Variants in OSBPL5 observed in about 807,000 individuals in gnomAD.
The protein encoded by OSBPL5 is oxysterol binding protein like 5.
OSBPL5 carries 71 observed loss-of-function variants against 111.2 expected under a neutral mutation model. The observed-to-expected ratio is 0.64, with a 90% CI of 0.53 to 0.78. The LOEUF is 0.78. Among genes scored for constraint, OSBPL5 ranks in the 30% least tolerant of loss-of-function variants. The pLI, the probability that OSBPL5 is intolerant of heterozygous loss-of-function variation, is 0.00. For missense variants in OSBPL5, 1,210 were observed against 1,189.3 expected (o/e 1.02, Z -0.26); for synonymous variants, 549 against 513.9 (o/e 1.07, Z -0.93).
At position 3,092,792 on chromosome 11, in the gene OSBPL5, G is replaced by T; in HGVS notation, c.2132+75C>A. 1.4e-6 allele frequency: 2 copies of T among 1,447,870 alleles called. No individual in the cohort carries two copies. The highest frequency in any genetic ancestry group is 5.2e-5 in the Admixed American group (2 of 38,296). The allele number at this position is 1,447,870 out of a possible 1,614,324, so 89.7% of individuals were successfully genotyped here. On this transcript the variant is annotated intron_variant, in intron 18 of 21. Coordinates refer to ENST00000263650, the MANE Select transcript of OSBPL5 (RefSeq NM_020896.4). The surrounding 1 kb of genome is among the most constrained non-coding windows in gnomAD (Gnocchi z 5.4). Reference sequence around the variant, plus strand: ...GCTGAAGGTGAGAGGGAAGCCAGGAGCCCCTGGGCCCTTCTCAGCCCGTCT... The same window carrying T: ...GCTGAAGGTGAGAGGGAAGCCAGGATCCCCTGGGCCCTTCTCAGCCCGTCT...
Position 3,107,669 on chromosome 11 carries a change from C to A in OSBPL5, c.866+102G>T. The A allele has an allele frequency of 6.7e-7, 1 of 1,492,690 alleles. No individual in the cohort carries two copies. The highest frequency in any genetic ancestry group is 1.2e-5 in the South Asian group (1 of 81,408). The allele number at this position is 1,492,690 out of a possible 1,614,324, so 92.5% of individuals were successfully genotyped here. On this transcript the variant is annotated intron_variant, in intron 8 of 21. Coordinates refer to ENST00000263650, the MANE Select transcript of OSBPL5 (RefSeq NM_020896.4). This position sits in a 1 kb window ranked among gnomAD's most constrained non-coding sequence, Gnocchi z 6.1. ...CGAACAAGTCCCTGCGTGCAGCCTG[C>A]AGCCCACCAGAGCAGTGGCTGGGGC...
At chr11:3,103,788 CTTCCTGCCTCTGCAGCCCT>C (rs1857569674) in intron 10 of OSBPL5, among the ~76,000 whole-genome samples, 1 of 61,282 alleles carries the variant, frequency 1.6e-5, no homozygotes, top group African/African-American at 5.0e-5. Context: ...TCTGCAGTCC[CTTCCTGCCTCTGCAGCCCT>C]CTTCCTGCCT....
chr11:3,107,580 C>T lies in OSBPL5; in HGVS notation c.867-125G>A. 4 of 1,369,162 alleles carry T rather than the reference C, an allele frequency of 2.9e-6. No homozygotes were observed. The highest frequency in any genetic ancestry group is 4.6e-5 in the East Asian group (2 of 43,412). The allele number at this position is 1,369,162 out of a possible 1,614,324, so 84.8% of individuals were successfully genotyped here. On this transcript the variant is annotated intron_variant, in intron 8 of 21. Transcript: ENST00000263650. This position sits in a 1 kb window ranked among gnomAD's most constrained non-coding sequence, Gnocchi z 6.1. ...TCCTGCCTGTCGTCACCTCCACAAC[C>T]CACATTTGACACGATCAGCCCCGTT...
Position 3,104,231 on chromosome 11 carries a change from C to T in OSBPL5, c.1206G>A (p.Lys402=). 2 of 1,612,702 alleles carry T rather than the reference C, an allele frequency of 1.2e-6. No individual in the cohort carries two copies. Among genetic ancestry groups the T allele is most frequent in the Non-Finnish European group, 1.7e-6 (2 of 1,179,038 alleles). The change falls in exon 10 of 22, where the codon AAG becomes AAA. Residue 402 remains lysine (K), a synonymous_variant. Coordinates refer to ENST00000263650, the MANE Select transcript of OSBPL5 (RefSeq NM_020896.4). This position sits in a 1 kb window ranked among gnomAD's most constrained non-coding sequence, Gnocchi z 5.0. ...CTGCGTGGTAGTAGTAGTCGGAGAG[C>T]TTGTTCAGGAAGGAGCGCGGCTCCA... ...FVLEPRSFLN[K]LSDYYYHADL...
rs193226428 is a variant in OSBPL5, at chr11:3,161,382, C to T, written c.-22+3834G>A. The stretch of plus-strand genomic sequence containing the variant: ...CCCTCTTGTCCTTCCCATCCTAGAG[C>T]ATGGAGGAAATGAGCTGGTCACGTC... On this transcript the variant is annotated intron_variant, in intron 1 of 21. Coordinates refer to ENST00000263650, the MANE Select transcript of OSBPL5 (RefSeq NM_020896.4). The surrounding 1 kb of genome is among the most constrained non-coding windows in gnomAD (Gnocchi z 8.0). The T allele has an allele frequency of 6.6e-6, 1 of 152,180 alleles. No homozygotes were observed. The highest frequency in any genetic ancestry group is 2.4e-5 in the African/African-American group (1 of 41,434). 9.4% of individuals were successfully genotyped at this position (152,180 alleles called of 1,614,324 possible). A position where few individuals can be genotyped will look rare whatever the true frequency, so the allele number is the denominator to read the frequency against.
chr11:3,115,207 G>T (rs1414626165), intron 7 of OSBPL5, among the ~76,000 whole-genome samples: 2 of 152,058 alleles, frequency 1.3e-5, no homozygotes, highest in Non-Finnish European at 2.9e-5. Context: ...TTGCCTTTTG[G>T]TAAGTGGCCT....
At position 3,092,707 on chromosome 11, in the gene OSBPL5, G is replaced by C; in HGVS notation, c.2133-149C>G. 1 of 1,349,364 alleles carries C rather than the reference G, an allele frequency of 7.4e-7. No homozygotes were observed. 83.6% of individuals were successfully genotyped at this position (1,349,364 alleles called of 1,614,324 possible). A position where few individuals can be genotyped will look rare whatever the true frequency, so the allele number is the denominator to read the frequency against. On this transcript the variant is annotated intron_variant, in intron 18 of 21. Transcript: ENST00000263650. The surrounding 1 kb of genome is among the most constrained non-coding windows in gnomAD (Gnocchi z 5.4). ...ACCCCATGGGCAGGGCCTGCAGTAA[G>C]GACTGATGATGGGGGGTGTCACTAT...
intron 2 of OSBPL5, among the ~76,000 whole-genome samples, chr11:3,128,551 A>G (rs1347345994): frequency 6.6e-6 from 1 of 152,204 alleles, no homozygotes; most frequent in African/African-American, 2.4e-5. Flanking sequence ...GCCTGGTTCC[A>G]GCTGTCCCCT....
In OSBPL5 at chr11:3,104,399, C is replaced by T; in HGVS notation, c.1060-22G>A. 2 of 1,602,116 alleles carry T rather than the reference C, an allele frequency of 1.2e-6. No homozygotes were observed. On this transcript the variant is annotated intron_variant, in intron 9 of 21. Transcript: ENST00000263650. The surrounding 1 kb of genome is among the most constrained non-coding windows in gnomAD (Gnocchi z 5.0). ...CCAGCTGCAGCAGACAGGCTGCAGTCAGGCCCTGCCCGGAAGAGCCGGGAG... is the reference window on the plus strand; with the variant it reads ...CCAGCTGCAGCAGACAGGCTGCAGTTAGGCCCTGCCCGGAAGAGCCGGGAG...
rs768873978 is a variant in OSBPL5, at chr11:3,107,205, C to T, written c.1059+58G>A. 49 of 1,566,450 alleles carry T rather than the reference C, an allele frequency of 3.1e-5. No homozygotes were observed. The highest frequency in any genetic ancestry group is 2.2e-5 in the Non-Finnish European group (26 of 1,158,642). ...GATGAGGCATGGCTACCTCTGCTTC[C>T]GGAACAAGGGGCCGAGGCAGGGGAG... On this transcript the variant is annotated intron_variant, in intron 9 of 21. Coordinates refer to ENST00000263650, the MANE Select transcript of OSBPL5 (RefSeq NM_020896.4). This position sits in a 1 kb window ranked among gnomAD's most constrained non-coding sequence, Gnocchi z 6.1.
At position 3,102,267 on chromosome 11, in the gene OSBPL5, C is replaced by T. The variant is rs765374717; in HGVS notation, c.1341G>A (p.Pro447=). Residue 447 remains proline (P), a synonymous_variant, in exon 12 of 22, where the codon CCG becomes CCA. Transcript: ENST00000263650. ...AGGTCTCCCCCAGGATGGGGTTGTA[C>T]GGCTTCTTGATTCCCTGCAGACAAC... is the stretch of plus-strand genomic sequence containing the variant. ...FYKKPKGIKK[P]YNPILGETFR... is the part of the protein sequence containing the mutation. The T allele has an allele frequency of 3.6e-5, 57 of 1,600,888 alleles. No individual in the cohort carries two copies. The highest frequency in any genetic ancestry group is 1.6e-4 in the Middle Eastern group (1 of 6,064).
chr11:3,159,833 C>T (rs1024240701), intron 1 of OSBPL5, among the ~76,000 whole-genome samples: 6 of 152,112 alleles, frequency 3.9e-5, no homozygotes, highest in African/African-American at 1.2e-4. Context: ...GCTCACCCAG[C>T]GCTTGTGTAC....
In OSBPL5 at chr11:3,119,637, G is replaced by A. The variant is rs1858332742; in HGVS notation, c.607-6C>T. 6.3e-7 allele frequency: 1 copy of A among 1,579,660 alleles called. No individual in the cohort carries two copies. Among genetic ancestry groups the A allele is most frequent in the Non-Finnish European group, 8.6e-7 (1 of 1,166,288 alleles). ...ACGCTCTCACCTTTGGGGCCCTGGAGAGAGAGAGATCTGGGTGTCACCCGA... is the reference window on the plus strand; with the variant it reads ...ACGCTCTCACCTTTGGGGCCCTGGAAAGAGAGAGATCTGGGTGTCACCCGA... On this transcript the variant is annotated splice_region_variant and splice_polypyrimidine_tract_variant and intron_variant, in intron 6 of 21. Coordinates refer to ENST00000263650, the MANE Select transcript of OSBPL5 (RefSeq NM_020896.4).
chr11:3,107,497 G>T lies in OSBPL5; in HGVS notation c.867-42C>A, dbSNP rs1018506699. 2.2e-5 allele frequency: 35 copies of T among 1,606,752 alleles called. No homozygotes were observed. Among genetic ancestry groups the T allele is most frequent in the Non-Finnish European group, 3.0e-5 (35 of 1,174,678 alleles). The stretch of plus-strand genomic sequence containing the variant: ...GCCAGTGGGTCCCTGTCACAGGTGA[G>T]AGCCCAGCACAGCCCTCTGGGCTGC... On this transcript the variant is annotated intron_variant, in intron 8 of 21. Coordinates refer to ENST00000263650, the MANE Select transcript of OSBPL5 (RefSeq NM_020896.4). This position sits in a 1 kb window ranked among gnomAD's most constrained non-coding sequence, Gnocchi z 6.1.
intron 1 of OSBPL5, among the ~76,000 whole-genome samples, chr11:3,160,672 T>TGGGGCCC (rs1846933748): frequency 8.2e-6 from 1 of 122,442 alleles, no homozygotes. Flanking sequence ...ATGACAACCC[T>TGGGGCCC]CCCCCCCCCC....
At position 3,107,943 on chromosome 11, in the gene OSBPL5, G is replaced by T; in HGVS notation, c.694C>A (p.Arg232Ser). ...IFRAASESDG[R>S]CWLDALELAL... ...AGCTCCAGGGCGTCCAGCCAGCAGC[G>T]ACCTGCGGGGCACACGGGATGAGCA... Residue 232 changes from arginine to serine, a missense_variant and splice_region_variant, in exon 8 of 22, where the codon CGC becomes AGC. Arg to Ser is a moderately radical substitution (Grantham distance 110, BLOSUM62 -1). Coordinates refer to ENST00000263650, the MANE Select transcript of OSBPL5 (RefSeq NM_020896.4). The surrounding 1 kb of genome is among the most constrained non-coding windows in gnomAD (Gnocchi z 6.1). 6.3e-7 allele frequency: 1 copy of T among 1,597,190 alleles called. No individual in the cohort carries two copies.
chr11:3,147,578 C>G (rs887185270), intron 1 of OSBPL5, among the ~76,000 whole-genome samples: 2 of 152,226 alleles, frequency 1.3e-5, no homozygotes, highest in Non-Finnish European at 2.9e-5. Flanking sequence ...TTTGTGAACT[C>G]GAATCGAGGC....
At position 3,106,720 on chromosome 11, in the gene OSBPL5, C is replaced by T. The variant is rs1857707346; in HGVS notation, c.1059+543G>A. 6.6e-6 allele frequency among the ~76,000 whole-genome samples: 1 copy of T among 152,206 alleles called. No individual in the cohort carries two copies. Among genetic ancestry groups the T allele is most frequent in the South Asian group, 2.1e-4 (1 of 4,834 alleles). ...AAGAGCCCATGGCCCGGTTTGCCTC[C>T]CTCACCTGCTCCCCAGCCTCCTCTT... On this transcript the variant is annotated intron_variant, in intron 9 of 21. Coordinates refer to ENST00000263650, the MANE Select transcript of OSBPL5 (RefSeq NM_020896.4). This position sits in a 1 kb window ranked among gnomAD's most constrained non-coding sequence, Gnocchi z 8.4.
chr11:3,144,852 G>C (rs1846286343), intron 1 of OSBPL5, among the ~76,000 whole-genome samples: 1 of 152,162 alleles, frequency 6.6e-6, no homozygotes, highest in Admixed American at 6.5e-5. Flanking sequence ...GCCACCCCCC[G>C]GCACCCGGAT....
Sources: gnomAD v4.1 joint callset for allele counts (sites outside exome capture counted in the v4.1 genomes callset) on GRCh38, gnomAD v4.1.1 for gene constraint, Gnocchi (gnomAD v3.1) non-coding constraint, MANE v1.5 for transcripts, NCBI Gene and HGNC (gene_info 2026-07-23, HGNC 2026-07-21) for gene names.